The following NINJ2 variants were observed in gnomAD, a reference collection of about 807,000 sequenced individuals.
The protein encoded by NINJ2 is ninjurin-2.
In NINJ2, 12 loss-of-function variants were observed where a neutral mutation model predicts 11.7. The ratio of observed to expected loss-of-function variants is 1.02; its 90% CI spans 0.66 to 1.66. NINJ2 has a LOEUF of 1.66. Ranked by LOEUF, NINJ2 falls within the 40% of genes most tolerant of loss-of-function variation. NINJ2 has a pLI of 0.00. For synonymous variants in NINJ2, 93 were observed against 76.8 expected (o/e 1.21, Z -1.10); for missense variants, 187 against 181.8 (o/e 1.03, Z -0.16).
At chr12:584,231 A>G (rs1250981635) in intron 1 of NINJ2, among the ~76,000 whole-genome samples, 2 of 152,212 alleles carry the variant, frequency 1.3e-5, no homozygotes, top group Non-Finnish European at 2.9e-5. Context: ...TTTTGGAACT[A>G]CAGGGATGGG....
intron 1 of NINJ2, among the ~76,000 whole-genome samples, chr12:654,446 G>A (rs1262028379): frequency 3.3e-5 from 5 of 151,478 alleles, no homozygotes; most frequent in African/African-American, 7.3e-5. Flanking sequence ...GCTTGAACCC[G>A]GGAGGCAGAG....
intron 1 of NINJ2, among the ~76,000 whole-genome samples, chr12:595,075 C>T (rs973440485): frequency 3.3e-5 from 5 of 151,904 alleles, no homozygotes; most frequent in Admixed American, 2.0e-4. Flanking sequence ...ACAGATAATA[C>T]AATGTAGCAA....
At chr12:629,605 T>C (rs1394886875) in intron 1 of NINJ2, among the ~76,000 whole-genome samples, 4 of 151,916 alleles carry the variant, frequency 2.6e-5, no homozygotes, top group African/African-American at 9.7e-5. Context: ...TATGAGTTCT[T>C]GGTTGGGCAT....
intron 1 of NINJ2, among the ~76,000 whole-genome samples, chr12:600,766 T>C (rs1049008336): frequency 6.7e-6 from 1 of 150,352 alleles, no homozygotes; most frequent in African/African-American, 2.4e-5. Flanking sequence ...ACGGCAACCT[T>C]GACCTCCCGA....
intron 1 of NINJ2, among the ~76,000 whole-genome samples, chr12:584,946 G>A (rs1437482802): frequency 2.6e-5 from 4 of 151,760 alleles, no homozygotes; most frequent in Admixed American, 2.0e-4. Flanking sequence ...GTGAAACCCC[G>A]TCTCTACTAA....
intron 1 of NINJ2, among the ~76,000 whole-genome samples, chr12:609,770 C>CAAAAAAAA (rs1185755822): frequency 6.4e-4 from 57 of 88,788 alleles, no homozygotes; most frequent in African/African-American, 2.8e-3. Flanking sequence ...GACTCTGCCT[C>CAAAAAAAA]AAAAAAAAAA....
chr12:609,260 GCA>G (rs1254199678), intron 1 of NINJ2, among the ~76,000 whole-genome samples: 2 of 103,576 alleles, frequency 1.9e-5, no homozygotes, highest in Non-Finnish European at 4.5e-5. Flanking sequence ...GGGGCTGTAC[GCA>G]CGCACGGCGC....
At chr12:573,686 G>C (rs1288754101) in intron 1 of NINJ2, among the ~76,000 whole-genome samples, 1 of 152,204 alleles carries the variant, frequency 6.6e-6, no homozygotes, top group Non-Finnish European at 1.5e-5. Flanking sequence ...GGGTACACAT[G>C]CACACTTACT....
chr12:635,801 G>A (rs532603752), intron 1 of NINJ2, among the ~76,000 whole-genome samples: 5 of 152,384 alleles, frequency 3.3e-5, no homozygotes, highest in South Asian at 2.1e-4. Flanking sequence ...GGGGCCGGGC[G>A]CGGCGGTTCA....
At chr12:657,988 CTTTTTTTTTTTTTT>C (rs1164230214) in intron 1 of NINJ2, among the ~76,000 whole-genome samples, 1 of 54,396 alleles carries the variant, frequency 1.8e-5, no homozygotes, top group African/African-American at 7.5e-5. Flanking sequence ...CCTACACAGG[CTTTTTTTTTTTTTT>C]TTTTTTTTTT....
chr12:637,640 C>CAA (rs1237593355), intron 1 of NINJ2, among the ~76,000 whole-genome samples: 2 of 90,904 alleles, frequency 2.2e-5, no homozygotes, highest in South Asian at 3.3e-4. Context: ...GACTCCATCT[C>CAA]AAAAAAAAAA....
intron 1 of NINJ2, among the ~76,000 whole-genome samples, chr12:570,496 G>A (rs942183165): frequency 2.6e-5 from 4 of 152,226 alleles, no homozygotes; most frequent in Non-Finnish European, 5.9e-5. Flanking sequence ...ACAGAGGAGT[G>A]GGGAGCGCAG....
chr12:638,057 T>G lies in NINJ2; in HGVS notation c.33+25271A>C, dbSNP rs375204134. Among the ~76,000 whole-genome samples the G allele has an allele frequency of 1.1e-4, 16 of 152,342 alleles. No individual in the cohort carries two copies. The East Asian group carries it at 3.1e-3, about 29-fold the overall frequency. ...AACACTGGAAAACAACAAAGGCCTCTACCAGAAGGTGGGAGTGGGAACTCT... is the reference window on the plus strand; with the variant it reads ...AACACTGGAAAACAACAAAGGCCTCGACCAGAAGGTGGGAGTGGGAACTCT... On this transcript the variant is annotated intron_variant, in intron 1 of 3. Transcript: ENST00000305108.
Position 623,350 on chromosome 12 carries a change from G to A in NINJ2, c.33+39978C>T, listed in dbSNP as rs78369546. 3.9e-5 allele frequency among the ~76,000 whole-genome samples: 6 copies of A among 152,250 alleles called. No individual in the cohort carries two copies. The East Asian group carries it at 7.7e-4, about 20-fold the overall frequency. ...CTGTCCCCCTCCCCCACTGCTACCC[G>A]AGCAGCTCTCCCTTCACCTCAGGCC... On this transcript the variant is annotated intron_variant, in intron 1 of 3. Coordinates refer to ENST00000305108, the MANE Select transcript of NINJ2 (RefSeq NM_016533.6).
chr12:577,439 A>ATGTATATATATATATACATATATATG (rs1947481992), intron 1 of NINJ2, among the ~76,000 whole-genome samples: 4 of 63,750 alleles, frequency 6.3e-5, no homozygotes, highest in Non-Finnish European at 1.7e-4. Flanking sequence ...ACATATATAT[A>ATGTATATATATATATACATATATATG]TATAAATATT....
intron 1 of NINJ2, among the ~76,000 whole-genome samples, chr12:655,328 T>A (rs889594122): frequency 9.2e-5 from 14 of 152,138 alleles, no homozygotes; most frequent in African/African-American, 3.4e-4. Context: ...AATAAAACTA[T>A]CTCTGTTTGC....
chr12:610,447 G>T lies in NINJ2; in HGVS notation c.34-44269C>A. On this transcript the variant is annotated intron_variant, in intron 1 of 3. Transcript: ENST00000305108. ...ACAGGAAGTCTCAACGGAAAATGAG[G>T]TCAGCCTGGTGGCTGAGAGGAAAAG... 4 of 1,535,270 alleles carry T rather than the reference G, an allele frequency of 2.6e-6. No individual in the cohort carries two copies. In the South Asian group the frequency reaches 3.6e-5, roughly 14 times the overall value.
intron 1 of NINJ2, among the ~76,000 whole-genome samples, chr12:620,894 T>A (rs1474580744): frequency 6.6e-6 from 1 of 152,062 alleles, no homozygotes; most frequent in Non-Finnish European, 1.5e-5. Context: ...CCTCCCAGAG[T>A]GCTGGGATTA....
intron 1 of NINJ2, among the ~76,000 whole-genome samples, chr12:618,109 G>A (rs185672115): frequency 6.6e-6 from 1 of 151,484 alleles, no homozygotes; most frequent in African/African-American, 2.4e-5. Context: ...CAGCAACCCT[G>A]TTCTGTCAAT....
Sources: gnomAD v4.1 joint callset for allele counts (sites outside exome capture counted in the v4.1 genomes callset) on GRCh38, gnomAD v4.1.1 for gene constraint, MANE v1.5 for transcripts, NCBI Gene and HGNC (gene_info 2026-07-23, HGNC 2026-07-21) for gene names.